ACER3: variants seen among roughly 807,000 people sequenced by gnomAD.
ACER3 encodes alkCDase 3.
Under a neutral mutation model 48.9 loss-of-function variants are expected in ACER3, and 16 were observed. The observed-to-expected ratio is 0.33, with a 90% CI of 0.22 to 0.50. The LOEUF is 0.50. ACER3 is among the 20% of genes least tolerant of loss of function. ACER3 has a pLI of 0.98. For synonymous variants in ACER3, 109 were observed against 107.8 expected (o/e 1.01, Z -0.07); for missense variants, 227 against 326.0 (o/e 0.70, Z 2.34).
chr11:76,923,082 A>T lies in ACER3; in HGVS notation c.104-3475A>T, dbSNP rs11237014. ...TGCTAAACAACTTTAACAAAACCAG[A>T]AGGCAATGTTCTTTCCCAACCCTTC... On this transcript the variant is annotated intron_variant, in intron 1 of 10. Transcript: ENST00000532485. Among the ~76,000 whole-genome samples the T allele has an allele frequency of 1.4e-3, 215 of 152,182 alleles. 2 individuals carry two copies. The highest frequency in any genetic ancestry group is 4.9e-3 in the African/African-American group (204 of 41,536).
chr11:76,979,513 C>G (rs572822490), intron 4 of ACER3, among the ~76,000 whole-genome samples: 5 of 152,096 alleles, frequency 3.3e-5, no homozygotes, highest in Admixed American at 1.3e-4. Flanking sequence ...ATTAGCCAGG[C>G]GTGGTGATGT....
intron 3 of ACER3, among the ~76,000 whole-genome samples, chr11:76,972,762 G>A (rs12791998): frequency 0.04 from 6,060 of 152,212 alleles, 174 homozygotes; most frequent in Middle Eastern, 0.061. Context: ...CCTGAAGCAG[G>A]GGCACGACAC....
intron 2 of ACER3, among the ~76,000 whole-genome samples, chr11:76,950,991 C>T (rs1427974499): frequency 1.3e-5 from 2 of 152,144 alleles, no homozygotes; most frequent in Non-Finnish European, 2.9e-5. Context: ...TATACTTGCA[C>T]TTCTGCCTTT....
intron 2 of ACER3, among the ~76,000 whole-genome samples, chr11:76,931,503 T>A (rs1487395409): frequency 6.6e-6 from 1 of 152,188 alleles, no homozygotes; most frequent in Non-Finnish European, 1.5e-5. Context: ...TTTGATCCTG[T>A]CATTATGATG....
At chr11:76,875,026 G>A (rs989576228) in intron 1 of ACER3, among the ~76,000 whole-genome samples, 1 of 148,606 alleles carries the variant, frequency 6.7e-6, no homozygotes, top group African/African-American at 2.5e-5. Flanking sequence ...AGAGAATTAG[G>A]TGCTTTTTCT....
rs1555024175 is a variant in ACER3, at chr11:77,020,312, T to C, written c.789T>C (p.Pro263=). ...FGIWPVILFE[P]LRKH ...TCTGGCCAGTGATCCTGTTTGAGCC[T>C]CTCAGGAAGCATTGATGAATCATTC... Residue 263 remains proline, a synonymous_variant, in exon 11 of 11, where the codon CCT becomes CCC. Transcript: ENST00000532485. The C allele has an allele frequency of 2.5e-6, 4 of 1,613,698 alleles. No individual in the cohort carries two copies. The Admixed American group carries it at 6.7e-5, about 27-fold the overall frequency.
At chr11:76,965,206 A>G (rs1264719646) in intron 3 of ACER3, among the ~76,000 whole-genome samples, 1 of 151,418 alleles carries the variant, frequency 6.6e-6, no homozygotes, top group Admixed American at 6.6e-5. Context: ...AAGAAAGGCT[A>G]TCAGTGATGG....
intron 1 of ACER3, among the ~76,000 whole-genome samples, chr11:76,911,416 G>T (rs1440290271): frequency 1.3e-5 from 2 of 152,154 alleles, no homozygotes; most frequent in Non-Finnish European, 2.9e-5. Flanking sequence ...ATGATTAGCA[G>T]TGCCAGGGCC....
chr11:76,905,218 GTATGA>G (rs1215593617), intron 1 of ACER3, among the ~76,000 whole-genome samples: 1 of 152,002 alleles, frequency 6.6e-6, no homozygotes, highest in African/African-American at 2.4e-5. Flanking sequence ...CCTGAATAAA[GTATGA>G]TTTAGAAGAT....
intron 1 of ACER3, among the ~76,000 whole-genome samples, chr11:76,925,163 T>C (rs1261417865): frequency 3.3e-5 from 5 of 152,084 alleles, no homozygotes; most frequent in African/African-American, 1.2e-4. Context: ...TACCCATCCT[T>C]ATTCATTGTA....
intron 6 of ACER3, among the ~76,000 whole-genome samples, chr11:76,997,615 C>A (rs1948942092): frequency 6.6e-6 from 1 of 152,096 alleles, no homozygotes; most frequent in African/African-American, 2.4e-5. Flanking sequence ...TTCTTTTGTA[C>A]CCTCATCCAC....
intron 1 of ACER3, among the ~76,000 whole-genome samples, chr11:76,877,526 C>G (rs1260370005): frequency 6.6e-6 from 1 of 151,924 alleles, no homozygotes; most frequent in Admixed American, 6.6e-5. Flanking sequence ...TTTTTCCCCC[C>G]CATTTCTTTT....
intron 10 of ACER3, 147 bp from the exon 11 acceptor site, chr11:77,020,127 A>G (rs1217094215): frequency 2.8e-6 from 2 of 725,420 alleles, no homozygotes; most frequent in Admixed American, 5.4e-5. Flanking sequence ...TAGAAGGAAT[A>G]AACTGTGCTC....
intron 1 of ACER3, chr11:76,868,335 G>A: frequency 8.1e-7 from 1 of 1,227,280 alleles, no homozygotes; most frequent in Non-Finnish European, 1.0e-6. Context: ...AAGGCCAAAT[G>A]AAAGGACAAA....
chr11:76,862,692 A>G (rs1200962553), intron 1 of ACER3, among the ~76,000 whole-genome samples: 1 of 152,222 alleles, frequency 6.6e-6, no homozygotes, highest in Non-Finnish European at 1.5e-5. Flanking sequence ...GCATATGGGC[A>G]GAAACTAACT....
chr11:76,909,498 G>A (rs1946315844), intron 1 of ACER3, among the ~76,000 whole-genome samples: 2 of 152,118 alleles, frequency 1.3e-5, no homozygotes, highest in Non-Finnish European at 2.9e-5. Flanking sequence ...ACATTTATAT[G>A]GCCAACAAAC....
At chr11:76,932,213 G>A (rs1025268596) in intron 2 of ACER3, among the ~76,000 whole-genome samples, 5 of 152,118 alleles carry the variant, frequency 3.3e-5, no homozygotes, top group Non-Finnish European at 7.4e-5. Flanking sequence ...GCCTCCCAAA[G>A]TGCTGGGATT....
chr11:76,922,991 A>G (rs551635288), intron 1 of ACER3, among the ~76,000 whole-genome samples: 1 of 152,202 alleles, frequency 6.6e-6, no homozygotes, highest in East Asian at 1.9e-4. Flanking sequence ...CCTCTCCTAA[A>G]TGGTTTCTGT....
At chr11:76,866,988 TA>T (rs1375413589) in intron 1 of ACER3, among the ~76,000 whole-genome samples, 1 of 152,222 alleles carries the variant, frequency 6.6e-6, no homozygotes, top group African/African-American at 2.4e-5. Context: ...TCTGACAGCG[TA>T]AACTTGGGTT....
Sources: gnomAD v4.1 joint callset for allele counts (sites outside exome capture counted in the v4.1 genomes callset) on GRCh38, gnomAD v4.1.1 for gene constraint, MANE v1.5 for transcripts, NCBI Gene and HGNC (gene_info 2026-07-23, HGNC 2026-07-21) for gene names.